The following CCDC171 variants were observed in gnomAD, a reference collection of about 807,000 sequenced individuals.
CCDC171 encodes coiled-coil domain-containing protein 171.
CCDC171 carries 177 observed loss-of-function variants against 168.2 expected under a neutral mutation model. That is an observed-to-expected ratio of 1.05 (90% CI 0.93 to 1.19). CCDC171 has a LOEUF of 1.19. Among genes scored for constraint, CCDC171 ranks in the 50% most tolerant of loss-of-function variants. The probability of loss-of-function intolerance (pLI) is 0.00; values close to 1 mark genes in which losing one functional copy is unlikely to be tolerated. For synonymous variants in CCDC171, 687 were observed against 540.8 expected (o/e 1.27, Z -3.75); for missense variants, 1,991 against 1,539.0 (o/e 1.29, Z -4.91).
chr9:15,939,386 T>C (rs1827467791), intron 25 of CCDC171, among the ~76,000 whole-genome samples: 1 of 151,846 alleles, frequency 6.6e-6, no homozygotes, highest in African/African-American at 2.4e-5. Context: ...TGCAGAATAT[T>C]TGAAGTCAGA....
At chr9:15,975,269 A>G (rs1372397785), downstream of CCDC171, among the ~76,000 whole-genome samples, 4 of 152,212 alleles carry the variant, frequency 2.6e-5, no homozygotes, top group African/African-American at 9.6e-5. Context: ...AAGATCATAC[A>G]TAACCTAGGA....
In CCDC171 at chr9:15,648,929, C is replaced by T. The variant is rs930266592; in HGVS notation, c.823-8198C>T. On this transcript the variant is annotated intron_variant, in intron 7 of 25. Transcript: ENST00000380701. ...GTTCATATGAAACCAGAAAAGAGAC[C>T]GCATTGCCAAGACAATCCTAAGCCG... 3.3e-5 allele frequency among the ~76,000 whole-genome samples: 5 copies of T among 152,244 alleles called. No individual in the cohort carries two copies. In the South Asian group the frequency reaches 8.3e-4, roughly 25 times the overall value.
intron 24 of CCDC171, among the ~76,000 whole-genome samples, chr9:15,905,943 G>A (rs561293919): frequency 2.5e-4 from 38 of 152,254 alleles, no homozygotes; most frequent in African/African-American, 8.2e-4. Context: ...TGAATTCCTG[G>A]ACACATACAC....
chr9:15,947,815 A>T (rs980916222), intron 25 of CCDC171, among the ~76,000 whole-genome samples: 4 of 149,574 alleles, frequency 2.7e-5, no homozygotes, highest in Non-Finnish European at 5.9e-5. Flanking sequence ...ATTTTTTTTA[A>T]TTTTTTTATT....
At chr9:16,057,862 G>T (rs1453581779) in intron 1 of CCDC171, among the ~76,000 whole-genome samples, 1 of 152,110 alleles carries the variant, frequency 6.6e-6, no homozygotes, top group Non-Finnish European at 1.5e-5. Context: ...GGTTAGCAGG[G>T]GCTGGGACAC....
intron 1 of CCDC171, among the ~76,000 whole-genome samples, chr9:15,558,452 T>G (rs2038993808): frequency 6.6e-6 from 1 of 152,144 alleles, no homozygotes; most frequent in Non-Finnish European, 1.5e-5. Context: ...TCTTCCTGGT[T>G]TAGTCTTGGG....
Position 15,777,833 on chromosome 9 carries a change from A to G in CCDC171, c.2898+7A>G, listed in dbSNP as rs201510177. 1 of 1,558,498 alleles carries G rather than the reference A, an allele frequency of 6.4e-7. No individual in the cohort carries two copies. The highest frequency in any genetic ancestry group is 2.3e-5 in the East Asian group (1 of 44,354). ...TGGCCATGTGCCCATTACGGTATGTATACACTTTCATTTAGTAGTAACCTA... is the reference window on the plus strand; with the variant it reads ...TGGCCATGTGCCCATTACGGTATGTGTACACTTTCATTTAGTAGTAACCTA... On this transcript the variant is annotated splice_region_variant and intron_variant, in intron 19 of 25. Transcript: ENST00000380701.
chr9:15,793,773 T>G (rs1433062981), intron 21 of CCDC171, among the ~76,000 whole-genome samples: 2 of 151,904 alleles, frequency 1.3e-5, no homozygotes, highest in African/African-American at 4.8e-5. Context: ...GGTCTCGATC[T>G]CCTCACCTCG....
the CCDC171 span, among the ~76,000 whole-genome samples, chr9:16,078,804 A>C: frequency 6.6e-6 from 1 of 152,176 alleles, no homozygotes; most frequent in Non-Finnish European, 1.5e-5. Context: ...GGGTAAGATG[A>C]GATGAAGGTG....
chr9:15,728,113 C>A, intron 15 of CCDC171, 77 bp downstream of exon 15: 1 of 1,077,618 alleles, frequency 9.3e-7, no homozygotes, highest in Non-Finnish European at 1.3e-6. Context: ...TTAAGAGGGG[C>A]TGACATTCAT....
Position 15,745,436 on chromosome 9 carries a change from T to C in CCDC171, c.2555-79T>C, listed in dbSNP as rs1031038254. ...GGGTTTTATCTGTTTCTTAAATAGC[T>C]GAACACTGCTACGAATTTTAAATAT... is the stretch of plus-strand genomic sequence containing the variant. On this transcript the variant is annotated intron_variant, in intron 17 of 25. Transcript: ENST00000380701. The C allele has an allele frequency of 7.4e-6, 6 of 814,976 alleles. No individual in the cohort carries two copies. The African/African-American group carries it at 8.9e-5, about 12-fold the overall frequency. 50.5% of individuals were successfully genotyped at this position (814,976 alleles called of 1,614,324 possible).
chr9:16,051,337 G>C (rs948333905), intron 1 of CCDC171, among the ~76,000 whole-genome samples: 2 of 152,092 alleles, frequency 1.3e-5, no homozygotes, highest in African/African-American at 4.8e-5. Context: ...TGTTTTCATA[G>C]CAAGCAGTCC....
At chr9:15,849,533 T>C (rs2061040066) in intron 23 of CCDC171, among the ~76,000 whole-genome samples, 2 of 151,668 alleles carry the variant, frequency 1.3e-5, no homozygotes, top group African/African-American at 2.4e-5. Flanking sequence ...ATAATAAAAG[T>C]ATTATGATAC....
chr9:15,627,596 A>G (rs971424824), intron 7 of CCDC171, among the ~76,000 whole-genome samples: 4 of 152,152 alleles, frequency 2.6e-5, no homozygotes, highest in Admixed American at 6.5e-5. Context: ...ATTCAGGAGC[A>G]GGTTGTTCAG....
chr9:15,855,073 A>G (rs1368868714), intron 23 of CCDC171, among the ~76,000 whole-genome samples: 2 of 151,536 alleles, frequency 1.3e-5, no homozygotes, highest in African/African-American at 2.4e-5. Flanking sequence ...AGACTGTTCT[A>G]TGTATGTCTG....
At chr9:16,017,497 A>G (rs1218677666) in intron 3 of CCDC171, among the ~76,000 whole-genome samples, 2 of 152,158 alleles carry the variant, frequency 1.3e-5, no homozygotes, top group Non-Finnish European at 2.9e-5. Context: ...TTTAAAATAT[A>G]TTTTAAAGCT....
chr9:15,737,073 C>T (rs956495919), intron 16 of CCDC171, among the ~76,000 whole-genome samples: 4 of 151,404 alleles, frequency 2.6e-5, no homozygotes, highest in African/African-American at 4.9e-5. Context: ...TTGTATTTCT[C>T]GGATTTTTTT....
chr9:16,024,309 A>G (rs1833233272), intron 6 of CCDC171, among the ~76,000 whole-genome samples: 1 of 152,206 alleles, frequency 6.6e-6, no homozygotes, highest in South Asian at 2.1e-4. Flanking sequence ...CCTTAATCCT[A>G]TCCTACCTCA....
Position 15,729,604 on chromosome 9 carries a change from G to C in CCDC171, c.1861-6G>C, listed in dbSNP as rs370780578. The stretch of plus-strand genomic sequence containing the variant: ...ATTTCCTTCTCTGTTGCATCTCCCC[G>C]TATAGATAAGGCATCTAGAGTATAT... On this transcript the variant is annotated splice_polypyrimidine_tract_variant and splice_region_variant and intron_variant, in intron 15 of 25. Coordinates refer to ENST00000380701, the MANE Select transcript of CCDC171 (RefSeq NM_173550.4). 6 of 1,593,644 alleles carry C rather than the reference G, an allele frequency of 3.8e-6. No homozygotes were observed. In the Admixed American group the frequency reaches 6.8e-5, roughly 18 times the overall value.
Sources: gnomAD v4.1 joint callset for allele counts (sites outside exome capture counted in the v4.1 genomes callset) on GRCh38, gnomAD v4.1.1 for gene constraint, MANE v1.5 for transcripts, NCBI Gene and HGNC (gene_info 2026-07-23, HGNC 2026-07-21) for gene names.